IL5: variants seen among roughly 807,000 people sequenced by gnomAD.
The protein encoded by IL5 is interleukin 5.
IL5 carries 12 observed loss-of-function variants against 16.3 expected under a neutral mutation model. The ratio of observed to expected loss-of-function variants is 0.74; its 90% CI spans 0.47 to 1.20. The LOEUF is 1.20. Among genes scored for constraint, IL5 ranks in the 50% most tolerant of loss-of-function variants. The pLI, the probability that IL5 is intolerant of heterozygous loss-of-function variation, is 0.00. For missense variants in IL5, 159 were observed against 153.9 expected, an observed-to-expected ratio of 1.03 and a Z score of -0.17; for synonymous variants, 54 against 56.6, an observed-to-expected ratio of 0.95 and a Z score of 0.21.
chr5:132,544,443 A>AG (rs1749752380), upstream of IL5, among the ~76,000 whole-genome samples: 1 of 152,178 alleles, frequency 6.6e-6, no homozygotes, highest in Non-Finnish European at 1.5e-5. Context: ...CCCAGTAGTA[A>AG]GGGGGACACA....
At chr5:132,548,606 C>T (rs190449410) in intron 1 of IL5, among the ~76,000 whole-genome samples, 4 of 152,228 alleles carry the variant, frequency 2.6e-5, no homozygotes, top group African/African-American at 7.2e-5. Flanking sequence ...AAGATGTGCA[C>T]GCGAGGTGAA....
At chr5:132,549,018 A>G (rs1268394694) in intron 1 of IL5, among the ~76,000 whole-genome samples, 1 of 152,130 alleles carries the variant, frequency 6.6e-6, no homozygotes, top group Admixed American at 6.5e-5. Flanking sequence ...CCTATTGATG[A>G]CATTAAGTGA....
intron 1 of IL5, among the ~76,000 whole-genome samples, chr5:132,549,689 A>G (rs1749852603): frequency 6.6e-6 from 1 of 152,232 alleles, no homozygotes; most frequent in East Asian, 1.9e-4. Context: ...CATTGGCAAC[A>G]TGTCTTTAAA....
At chr5:132,543,069 T>C (rs200785840) in intron 2 of IL5, 25 bp downstream of exon 2, 1 of 1,531,346 alleles carries the variant, frequency 6.5e-7, no homozygotes, top group Non-Finnish European at 9.0e-7. Context: ...ATGCCATCAT[T>C]TTACTGAATC....
chr5:132,543,615 T>C, upstream of IL5: 1 of 755,658 alleles, frequency 1.3e-6, no homozygotes, highest in Non-Finnish European at 2.0e-6. Context: ...AATAATGGCA[T>C]ATCGTGAAAC....
At chr5:132,545,770 A>G (rs995981665), upstream of IL5, among the ~76,000 whole-genome samples, 1 of 152,174 alleles carries the variant, frequency 6.6e-6, no homozygotes, top group African/African-American at 2.4e-5. Flanking sequence ...CTTTATAAAA[A>G]TTAGCCAGGC....
rs142034851 is a variant in IL5, at chr5:132,549,258, C to T, written c.43-6132G>A. 3.6e-3 allele frequency among the ~76,000 whole-genome samples: 554 copies of T among 152,174 alleles called. 4 individuals are homozygous for T. The highest frequency in any genetic ancestry group is 0.011 in the African/African-American group (468 of 41,538). On this transcript the variant is annotated intron_variant, in intron 1 of 2. Coordinates refer to the IL5 transcript ENST00000450655. ...TTTAGTAGAGACGGGGTTTCACCAT[C>T]TTGGCCAGGCTGGTCTCAAACTCCT...
At chr5:132,551,120 T>C (rs1749876796) in intron 1 of IL5, among the ~76,000 whole-genome samples, 1 of 151,720 alleles carries the variant, frequency 6.6e-6, no homozygotes, top group Non-Finnish European at 1.5e-5. Context: ...AAACAAGGAA[T>C]AAAGAAAGCT....
At chr5:132,553,499 C>T (rs1749916818) in intron 1 of IL5, among the ~76,000 whole-genome samples, 1 of 152,220 alleles carries the variant, frequency 6.6e-6, no homozygotes, top group African/African-American at 2.4e-5. Flanking sequence ...GAGGTAATTA[C>T]ATTTCTTGCT....
rs1561619958 is a variant in IL5, at chr5:132,541,771, TC to T, written c.*39del. ...CATTCTCACTGCAGTAAAATGTCCT[TC>T]TCCTCCAAAATCTTTGGCTGCAACA... On this transcript the variant is annotated 3_prime_UTR_variant, in exon 4 of 4. Transcript: ENST00000231454. 2 of 1,341,770 alleles carry T rather than the reference TC, an allele frequency of 1.5e-6. No individual in the cohort carries two copies. The highest frequency in any genetic ancestry group is 2.1e-6 in the Non-Finnish European group (2 of 938,020). The allele number at this position is 1,341,770 out of a possible 1,614,324, so 83.1% of individuals were successfully genotyped here.
At position 132,543,461 on chromosome 5, in the gene IL5, A is replaced by T. The variant is rs2149823328; in HGVS notation, c.18T>A (p.His6Gln). 1 of 1,614,138 alleles carries T rather than the reference A, an allele frequency of 6.2e-7. No individual in the cohort carries two copies. Among genetic ancestry groups the T allele is most frequent in the African/African-American group, 1.3e-5 (1 of 75,056 alleles). MRMLL[H>Q]LSLLALGAAY... ...CAGCTCCAAGAGCTAGCAAACTCAA[A>T]TGCAGAAGCATCCTCATGGCTCTGA... Residue 6 changes from histidine to glutamine, a missense_variant, in exon 1 of 4, where the codon CAT (histidine) becomes CAA (glutamine). Transcript: ENST00000231454.
At chr5:132,546,690 G>A (rs1438133422), upstream of IL5, among the ~76,000 whole-genome samples, 3 of 152,190 alleles carry the variant, frequency 2.0e-5, no homozygotes, top group South Asian at 6.2e-4. Flanking sequence ...CAACCTGACT[G>A]TAAACTGTCT....
At chr5:132,555,120 A>AGCTGGGC (rs1174333960) in intron 1 of IL5, among the ~76,000 whole-genome samples, 9 of 152,136 alleles carry the variant, frequency 5.9e-5, no homozygotes, top group Non-Finnish European at 1.2e-4. Flanking sequence ...GCCCCCACTG[A>AGCTGGGC]TCTGAGGCCC....
At chr5:132,542,372 TG>T (rs1344412358) in intron 2 of IL5, among the ~76,000 whole-genome samples, 1 of 152,212 alleles carries the variant, frequency 6.6e-6, no homozygotes, top group African/African-American at 2.4e-5. Flanking sequence ...AAGAGTTTTT[TG>T]TTTGTTTTCT....
In IL5 at chr5:132,542,004, G is replaced by T; in HGVS notation, c.306+11C>A. ...GACAAATATAGCTTCCATTGAATGT[G>T]TGTAACTTACTTTTTGGCCGTCAAT... On this transcript the variant is annotated intron_variant, in intron 3 of 3. Transcript: ENST00000231454. The T allele has an allele frequency of 6.2e-7, 1 of 1,613,796 alleles. No homozygotes were observed. The highest frequency in any genetic ancestry group is 1.1e-5 in the South Asian group (1 of 91,022).
At chr5:132,548,866 T>C (rs2149825731) in intron 1 of IL5, among the ~76,000 whole-genome samples, 2 of 152,264 alleles carry the variant, frequency 1.3e-5, no homozygotes, top group South Asian at 2.1e-4. Flanking sequence ...ATATTAGAAG[T>C]GTTTGGTCTT....
chr5:132,543,451 G>C lies in IL5; in HGVS notation c.28C>G (p.Leu10Val), dbSNP rs775296895. The C allele has an allele frequency of 1.9e-6, 3 of 1,613,930 alleles. No homozygotes were observed. Among genetic ancestry groups the C allele is most frequent in the East Asian group, 4.5e-5 (2 of 44,890 alleles). MRMLLHLSL[L>V]ALGAAYVYAI... ...TACACGTAGGCAGCTCCAAGAGCTAGCAAACTCAAATGCAGAAGCATCCTC... is the reference window on the plus strand; with the variant it reads ...TACACGTAGGCAGCTCCAAGAGCTACCAAACTCAAATGCAGAAGCATCCTC... Residue 10 changes from leucine (L) to valine (V), a missense_variant, in exon 1 of 4, where the codon CTA becomes GTA. Transcript: ENST00000231454.
upstream of IL5, among the ~76,000 whole-genome samples, chr5:132,544,760 A>G (rs373620295): frequency 4.5e-4 from 68 of 152,358 alleles, 1 homozygote; most frequent in East Asian, 5.0e-3. Context: ...GTTGCAGCCT[A>G]GAAGCCTGAC....
intron 2 of IL5, 109 bp from the exon 3 acceptor site, chr5:132,542,252 A>C: frequency 5.4e-6 from 3 of 560,544 alleles, no homozygotes; most frequent in Non-Finnish European, 9.1e-6. Context: ...TATTGTACAC[A>C]ATAAATATAT....
Sources: gnomAD v4.1 joint callset for allele counts (sites outside exome capture counted in the v4.1 genomes callset) on GRCh38, gnomAD v4.1.1 for gene constraint, MANE v1.5 for transcripts, NCBI Gene and HGNC (gene_info 2026-07-23, HGNC 2026-07-21) for gene names.